MARCHF1: variants seen among roughly 807,000 people sequenced by gnomAD.
MARCHF1 encodes the protein membrane associated ring-CH-type finger 1.
In MARCHF1, 40 loss-of-function variants were observed where a neutral mutation model predicts 54.2. The ratio of observed to expected loss-of-function variants is 0.74; its 90% CI spans 0.57 to 0.96. The LOEUF (loss-of-function observed/expected upper bound fraction) is 0.96. Among genes scored for constraint, MARCHF1 ranks in the 40% least tolerant of loss-of-function variants. The pLI is 0.00. For missense variants in MARCHF1, 586 were observed against 656.5 expected (o/e 0.89, Z 1.17); for synonymous variants, 236 against 236.3 (o/e 1.00, Z 0.01).
chr4:163,598,286 A>T (rs1740837865), intron 7 of MARCHF1, among the ~76,000 whole-genome samples: 1 of 152,198 alleles, frequency 6.6e-6, no homozygotes, highest in South Asian at 2.1e-4. Flanking sequence ...AGCCTTTTGC[A>T]ATGCCTGTCC....
At chr4:163,891,491 C>A (rs2111271170) in intron 3 of MARCHF1, among the ~76,000 whole-genome samples, 1 of 151,426 alleles carries the variant, frequency 6.6e-6, no homozygotes, top group Non-Finnish European at 1.5e-5. Context: ...AATTATGTTT[C>A]ACAAAGGAGC....
At chr4:163,567,936 C>T (rs527863856) in intron 8 of MARCHF1, among the ~76,000 whole-genome samples, 7 of 152,120 alleles carry the variant, frequency 4.6e-5, no homozygotes, top group African/African-American at 1.7e-4. Flanking sequence ...TCCTCTGCAC[C>T]CTTCTTTCCC....
intron 1 of MARCHF1, among the ~76,000 whole-genome samples, chr4:164,117,967 T>C (rs1012544119): frequency 6.6e-6 from 1 of 151,702 alleles, no homozygotes; most frequent in Non-Finnish European, 1.5e-5. Flanking sequence ...AACACATGAG[T>C]GAGATCAGTG....
intron 4 of MARCHF1, among the ~76,000 whole-genome samples, chr4:163,725,805 C>G (rs1400008743): frequency 6.6e-6 from 1 of 152,056 alleles, no homozygotes; most frequent in African/African-American, 2.4e-5. Flanking sequence ...GGTACCTGTC[C>G]TGAAAGAATT....
intron 1 of MARCHF1, among the ~76,000 whole-genome samples, chr4:164,269,749 T>A (rs958500037): frequency 6.6e-6 from 1 of 152,084 alleles, no homozygotes; most frequent in Non-Finnish European, 1.5e-5. Context: ...AGCCTGGTTT[T>A]TGTGTTTAGT....
chr4:163,722,657 G>C (rs1023707414), intron 4 of MARCHF1, among the ~76,000 whole-genome samples: 7 of 152,152 alleles, frequency 4.6e-5, no homozygotes, highest in Non-Finnish European at 8.8e-5. Context: ...TATTTTGTGG[G>C]AGTCTAAATC....
Position 163,929,963 on chromosome 4 carries a change from A to ATTAT in MARCHF1, c.-39+58537_-39+58538insATAA, listed in dbSNP as rs56692278. 9.5e-4 allele frequency among the ~76,000 whole-genome samples: 59 copies of ATTAT among 62,146 alleles called. No homozygotes were observed. The East Asian group carries it at 0.021, about 22-fold the overall frequency. 40.8% of individuals were successfully genotyped at this position (62,146 alleles called of 152,430 possible). On this transcript the variant is annotated intron_variant, in intron 3 of 9. Coordinates refer to ENST00000514618, the MANE Select transcript of MARCHF1 (RefSeq NM_001394959.1). ...TATTTATATTATATATATTATATAT[A>ATTAT]ATATATATAATATATATAATATATA...
chr4:163,643,579 G>T (rs1742642709), intron 5 of MARCHF1, among the ~76,000 whole-genome samples: 2 of 151,958 alleles, frequency 1.3e-5, no homozygotes, highest in Admixed American at 1.3e-4. Flanking sequence ...TCTCCTTATT[G>T]TTAAAAATGG....
chr4:163,860,585 C>T (rs1274495749), intron 3 of MARCHF1, among the ~76,000 whole-genome samples: 1 of 152,128 alleles, frequency 6.6e-6, no homozygotes, highest in Non-Finnish European at 1.5e-5. Context: ...CTTGTGAAGG[C>T]CACAGCCGAG....
intron 3 of MARCHF1, among the ~76,000 whole-genome samples, chr4:163,940,509 C>G (rs62348060): frequency 0.18 from 26,783 of 151,604 alleles, 2,924 homozygotes; most frequent in South Asian, 0.3. Flanking sequence ...GTGTGTGTTT[C>G]TGTGTGTGTG....
chr4:163,949,640 A>G (rs1054660828), intron 3 of MARCHF1, among the ~76,000 whole-genome samples: 1 of 152,140 alleles, frequency 6.6e-6, no homozygotes, highest in African/African-American at 2.4e-5. Context: ...AGCTCAGAGG[A>G]GACCCACAGT....
intron 1 of MARCHF1, among the ~76,000 whole-genome samples, chr4:164,143,999 C>G (rs1729586252): frequency 6.6e-6 from 1 of 151,586 alleles, no homozygotes; most frequent in South Asian, 2.1e-4. Context: ...AAATGGAAAA[C>G]AAAAAGGCAG....
chr4:164,172,191 T>G (rs1185083257), intron 1 of MARCHF1, among the ~76,000 whole-genome samples: 1 of 152,148 alleles, frequency 6.6e-6, no homozygotes, highest in African/African-American at 2.4e-5. Flanking sequence ...ATTTCCCCAG[T>G]GCCTAGAACA....
At chr4:164,168,267 A>C (rs1730431660) in intron 1 of MARCHF1, among the ~76,000 whole-genome samples, 1 of 150,396 alleles carries the variant, frequency 6.6e-6, no homozygotes, top group Non-Finnish European at 1.5e-5. Context: ...AAAAGATAAG[A>C]GATAGCAAAT....
intron 3 of MARCHF1, among the ~76,000 whole-genome samples, chr4:163,908,599 T>G (rs3890761): frequency 6.6e-5 from 10 of 152,092 alleles, no homozygotes; most frequent in African/African-American, 2.4e-4. Flanking sequence ...GTAGATTAGA[T>G]GATGGGAATT....
intron 3 of MARCHF1, among the ~76,000 whole-genome samples, chr4:163,914,383 T>C (rs1751261500): frequency 6.6e-6 from 1 of 152,120 alleles, no homozygotes; most frequent in Non-Finnish European, 1.5e-5. Context: ...AGAGGCAAAT[T>C]TGTCTTCTTA....
At chr4:164,226,281 C>T (rs1318961906) in intron 1 of MARCHF1, among the ~76,000 whole-genome samples, 1 of 152,006 alleles carries the variant, frequency 6.6e-6, no homozygotes, top group Non-Finnish European at 1.5e-5. Context: ...TAGATATTCT[C>T]AGAGATATTC....
chr4:164,346,009 T>A (rs1288036400), intron 1 of MARCHF1, among the ~76,000 whole-genome samples: 4 of 152,182 alleles, frequency 2.6e-5, no homozygotes, highest in South Asian at 4.1e-4. Flanking sequence ...TAAAGTTCAT[T>A]TTTAACAATA....
At chr4:164,250,983 T>G (rs902247728) in intron 1 of MARCHF1, among the ~76,000 whole-genome samples, 1 of 152,162 alleles carries the variant, frequency 6.6e-6, no homozygotes, top group Non-Finnish European at 1.5e-5. Context: ...TTGAAAATAC[T>G]TGAGTAATGT....
Sources: gnomAD v4.1 joint callset for allele counts (sites outside exome capture counted in the v4.1 genomes callset) on GRCh38, gnomAD v4.1.1 for gene constraint, MANE v1.5 for transcripts, NCBI Gene and HGNC (gene_info 2026-07-23, HGNC 2026-07-21) for gene names.